HS3ST5: variants seen among roughly 807,000 people sequenced by gnomAD.
HS3ST5 encodes the protein heparan sulfate glucosamine 3-O-sulfotransferase 5.
Under a neutral mutation model 25.4 loss-of-function variants are expected in HS3ST5, and 10 were observed. The observed-to-expected ratio is 0.39, with a 90% confidence interval of 0.24 to 0.67. The LOEUF is 0.67. Among genes scored for constraint, HS3ST5 ranks in the 30% least tolerant of loss-of-function variants. The pLI is 0.44. For missense variants in HS3ST5, 324 were observed against 420.7 expected (o/e 0.77, Z 2.01); for synonymous variants, 170 against 162.4 (o/e 1.05, Z -0.36).
chr6:114,095,171 A>G (rs1775355553), intron 3 of HS3ST5, among the ~76,000 whole-genome samples: 1 of 152,196 alleles, frequency 6.6e-6, no homozygotes, highest in Admixed American at 6.5e-5. Context: ...CACAGCATAG[A>G]AAGCAAATAC....
chr6:114,275,455 GA>G (rs140331842), intron 1 of HS3ST5, among the ~76,000 whole-genome samples: 11,678 of 151,976 alleles, frequency 0.077, 547 homozygotes, highest in African/African-American at 0.14. Flanking sequence ...CAGAAACTGT[GA>G]AAAAGGGAAT....
At chr6:114,081,855 C>A (rs189170161) in intron 3 of HS3ST5, among the ~76,000 whole-genome samples, 3 of 152,278 alleles carry the variant, frequency 2.0e-5, no homozygotes, top group Admixed American at 1.3e-4. Context: ...TTGGTCTCAG[C>A]TTTATTGAGA....
chr6:114,326,735 T>C (rs1776190879), intron 1 of HS3ST5, among the ~76,000 whole-genome samples: 1 of 152,180 alleles, frequency 6.6e-6, no homozygotes, highest in South Asian at 2.1e-4. Flanking sequence ...AAAATAAATC[T>C]CTATTCTTAA....
chr6:114,057,808 C>T lies in HS3ST5; in HGVS notation c.490G>A (p.Glu164Lys), dbSNP rs1772854950. ...EKSPAYFITE[E>K]VPERIYKMNS... ...ATTTTGTAAATCCTTTCTGGAACCT[C>T]CTCTGTGATAAAATATGCTGGGCTC... is the stretch of plus-strand genomic sequence containing the variant. The change falls in exon 5 of 5, where the codon GAG becomes AAG. Residue 164 changes from glutamate (E) to lysine (K), a missense_variant. Glu to Lys is a moderately conservative substitution (Grantham distance 56). Around this residue, in one of 2 missense-constraint regions of HS3ST5, gnomAD observed 203 missense variants for 303.4 expected, o/e 0.67. Transcript: ENST00000312719. 4 of 1,614,122 alleles carry T rather than the reference C, an allele frequency of 2.5e-6. No individual in the cohort carries two copies. In the East Asian group the frequency reaches 8.9e-5, roughly 36 times the overall value.
At chr6:114,246,053 A>C (rs1429594762) in intron 1 of HS3ST5, among the ~76,000 whole-genome samples, 2 of 149,252 alleles carry the variant, frequency 1.3e-5, no homozygotes, top group African/African-American at 5.0e-5. Context: ...AAACTGAATA[A>C]GATTTTTCAT....
chr6:114,217,015 G>A (rs1218751649), intron 2 of HS3ST5, among the ~76,000 whole-genome samples: 1 of 152,200 alleles, frequency 6.6e-6, no homozygotes, highest in Non-Finnish European at 1.5e-5. Context: ...AGTTGAACAT[G>A]ACTCACTTGC....
chr6:114,209,422 A>C lies in HS3ST5; in HGVS notation c.-145+19163T>G, dbSNP rs77626559. ...TTTCAAGATTATTTTCCTCTGACCCAATTTTCTCTTTTTTTTAAAGTTTCT... is the reference window on the plus strand; with the variant it reads ...TTTCAAGATTATTTTCCTCTGACCCCATTTTCTCTTTTTTTTAAAGTTTCT... On this transcript the variant is annotated intron_variant, in intron 2 of 4. Coordinates refer to ENST00000312719, the MANE Select transcript of HS3ST5 (RefSeq NM_153612.4). 4.1e-3 allele frequency among the ~76,000 whole-genome samples: 615 copies of C among 151,394 alleles called. 6 individuals are homozygous for C. The highest frequency in any genetic ancestry group is 0.014 in the African/African-American group (596 of 41,294).
At chr6:114,324,716 A>G (rs6899884) in intron 1 of HS3ST5, among the ~76,000 whole-genome samples, 9,638 of 152,284 alleles carry the variant, frequency 0.063, 553 homozygotes, top group African/African-American at 0.15. Context: ...TATCGGTACC[A>G]TCACTGTATA....
intron 2 of HS3ST5, among the ~76,000 whole-genome samples, chr6:114,216,049 A>G (rs909945060): frequency 8.5e-5 from 13 of 152,178 alleles, no homozygotes; most frequent in African/African-American, 2.9e-4. Flanking sequence ...ACTGGTATCT[A>G]TTGGGTTTTA....
chr6:114,259,622 G>A (rs185370445), intron 1 of HS3ST5, among the ~76,000 whole-genome samples: 39 of 152,332 alleles, frequency 2.6e-4, no homozygotes, highest in Non-Finnish European at 4.4e-5. Flanking sequence ...ACACTTTGGT[G>A]GTTATGCTGT....
rs1261796461 is a variant in HS3ST5, at chr6:114,057,840, A to G, written c.458T>C (p.Ile153Thr). The change falls in exon 5 of 5, where the codon ATT (isoleucine) becomes ACT (threonine). Residue 153 changes from isoleucine to threonine, a missense_variant. By Grantham distance (89) the Ile-to-Thr change is moderately conservative. Transcript: ENST00000312719. ...GATAAAATATGCTGGGCTCTTTTCA[A>G]TTGTGATTTGCTGAGGGTAGGAAAA... ...MPFSYPQQIT[I>T]EKSPAYFITE... The G allele has an allele frequency of 2.5e-6, 4 of 1,613,934 alleles. No homozygotes were observed. The highest frequency in any genetic ancestry group is 1.3e-5 in the African/African-American group (1 of 74,862).
intron 3 of HS3ST5, among the ~76,000 whole-genome samples, chr6:114,149,757 T>A (rs1330567860): frequency 6.6e-6 from 1 of 152,094 alleles, no homozygotes; most frequent in Non-Finnish European, 1.5e-5. Flanking sequence ...TAAAAAAAAA[T>A]TTCTTAGGTC....
chr6:114,250,548 T>C (rs892576465), intron 1 of HS3ST5, among the ~76,000 whole-genome samples: 2 of 147,840 alleles, frequency 1.4e-5, no homozygotes, highest in Non-Finnish European at 3.0e-5. Context: ...GCCACTGCAC[T>C]CCAGCCTGGG....
At chr6:114,146,450 C>T (rs550645202) in intron 3 of HS3ST5, among the ~76,000 whole-genome samples, 1 of 152,312 alleles carries the variant, frequency 6.6e-6, no homozygotes, top group African/African-American at 2.4e-5. Context: ...CTCTGTCTCA[C>T]CTCACATGTG....
intron 2 of HS3ST5, among the ~76,000 whole-genome samples, chr6:114,177,383 A>C (rs1779773037): frequency 6.6e-6 from 1 of 152,172 alleles, no homozygotes; most frequent in African/African-American, 2.4e-5. Flanking sequence ...AGTGTTCCTA[A>C]AGTCTTGACA....
intron 1 of HS3ST5, among the ~76,000 whole-genome samples, chr6:114,314,671 C>T (rs2114857228): frequency 6.6e-6 from 1 of 152,220 alleles, no homozygotes; most frequent in East Asian, 1.9e-4. Context: ...AGGCTTTCAT[C>T]AAATTTTCAA....
chr6:114,263,629 T>C (rs1228453925), intron 1 of HS3ST5, among the ~76,000 whole-genome samples: 2 of 152,230 alleles, frequency 1.3e-5, no homozygotes, highest in Non-Finnish European at 2.9e-5. Context: ...CGAAGCTTGC[T>C]GATAGCGAAA....
At chr6:114,238,074 CACAAA>C (rs1771940622) in intron 1 of HS3ST5, among the ~76,000 whole-genome samples, 1 of 152,186 alleles carries the variant, frequency 6.6e-6, no homozygotes, top group Non-Finnish European at 1.5e-5. Context: ...ATAGTGGGAA[CACAAA>C]GTTCACTGCT....
At chr6:114,326,335 A>AG (rs1776174984) in intron 1 of HS3ST5, among the ~76,000 whole-genome samples, 1 of 152,182 alleles carries the variant, frequency 6.6e-6, no homozygotes, top group African/African-American at 2.4e-5. Context: ...GTTTGCAGTG[A>AG]ACGGAGATCA....
Sources: gnomAD v4.1 joint callset for allele counts (sites outside exome capture counted in the v4.1 genomes callset) on GRCh38, gnomAD v4.1.1 for gene constraint, gnomAD v4.1.1 regional missense constraint, MANE v1.5 for transcripts, NCBI Gene and HGNC (gene_info 2026-07-23, HGNC 2026-07-21) for gene names.